The following PLCB1 variants were observed in gnomAD, a reference collection of about 807,000 sequenced individuals.
The protein encoded by PLCB1 is phospholipase C beta 1, also known as 1-phosphatidylinositol 4,5-bisphosphate phosphodiesterase beta-1.
PLCB1 carries 46 observed loss-of-function variants against 161.8 expected under a neutral mutation model. The observed-to-expected ratio is 0.28, with a 90% confidence interval of 0.22 to 0.36. The LOEUF (loss-of-function observed/expected upper bound fraction) is 0.36. Among genes scored for constraint, PLCB1 ranks in the 10% least tolerant of loss-of-function variants. The pLI is 1.00. For missense variants in PLCB1, 1,016 were observed against 1,472.5 expected, an observed-to-expected ratio of 0.69 and a Z score of 5.07; for synonymous variants, 517 against 503.7, an observed-to-expected ratio of 1.03 and a Z score of -0.35.
At chr20:8,608,458 C>T (rs945329373) in intron 3 of PLCB1, among the ~76,000 whole-genome samples, 5 of 152,130 alleles carry the variant, frequency 3.3e-5, no homozygotes, top group Non-Finnish European at 7.4e-5. Flanking sequence ...AGGGTATACC[C>T]ACAGGGCAAA....
chr20:8,841,673 A>G lies in PLCB1; in HGVS notation c.3424-39949A>G, dbSNP rs143951238. ...TCCACTCTTACACGTGTGCTAATTG[A>G]TCTTAAAATTAAAGTCCAGGATGCC... On this transcript the variant is annotated intron_variant, in intron 31 of 31. Transcript: ENST00000338037. Among the ~76,000 whole-genome samples the G allele has an allele frequency of 3.6e-3, 549 of 152,342 alleles. 4 individuals carry two copies. Among genetic ancestry groups the G allele is most frequent in the African/African-American group, 0.013 (523 of 41,578 alleles).
At chr20:8,623,069 C>T (rs1568532876) in intron 3 of PLCB1, among the ~76,000 whole-genome samples, 1 of 151,994 alleles carries the variant, frequency 6.6e-6, no homozygotes, top group African/African-American at 2.4e-5. Context: ...TCCAGCAGCC[C>T]CTTATCTTTC....
intron 2 of PLCB1, among the ~76,000 whole-genome samples, chr20:8,273,026 A>G (rs904828251): frequency 2.0e-5 from 3 of 152,216 alleles, no homozygotes; most frequent in African/African-American, 7.2e-5. Context: ...ATAAAAGTAA[A>G]GCAATGACAA....
At chr20:8,501,023 A>G (rs993902764) in intron 3 of PLCB1, among the ~76,000 whole-genome samples, 2 of 152,096 alleles carry the variant, frequency 1.3e-5, no homozygotes, top group Admixed American at 6.5e-5. Flanking sequence ...AGATACCCCA[A>G]CAGTTCATAT....
At chr20:8,452,037 G>A (rs779958507) in intron 3 of PLCB1, among the ~76,000 whole-genome samples, 1 of 152,104 alleles carries the variant, frequency 6.6e-6, no homozygotes, top group Non-Finnish European at 1.5e-5. Flanking sequence ...AATGAAAATA[G>A]CTGAGAGATT....
intron 31 of PLCB1, among the ~76,000 whole-genome samples, chr20:8,848,891 T>C (rs1986789828): frequency 6.6e-6 from 1 of 152,270 alleles, no homozygotes; most frequent in Non-Finnish European, 1.5e-5. Flanking sequence ...CTTTTCTCTC[T>C]GCTGCCTAAC....
rs1265302569 is a variant in PLCB1 at position 8,648,100 on chromosome 20, T to C, written c.518+147T>C. On this transcript the variant is annotated intron_variant, in intron 6 of 31. Coordinates refer to ENST00000338037, the MANE Select transcript of PLCB1 (RefSeq NM_015192.4). The stretch of plus-strand genomic sequence containing the variant: ...TGTCCTCCCTCACACATGTCTCATG[T>C]CAGTGCAGCTGCTTTCCTCATAGAC... The C allele has an allele frequency of 5.6e-6, 3 of 537,800 alleles. No homozygotes were observed. In the African/African-American group the frequency reaches 5.9e-5, roughly 11 times the overall value. 33.3% of individuals were successfully genotyped at this position (537,800 alleles called of 1,614,324 possible). A position where few individuals can be genotyped will look rare whatever the true frequency, so the allele number is the denominator to read the frequency against.
At chr20:8,685,214 C>G in intron 10 of PLCB1, 136 bp downstream of exon 10, 1 of 761,962 alleles carries the variant, frequency 1.3e-6, no homozygotes, top group East Asian at 2.5e-5. Context: ...TGGGGTTCCA[C>G]CACTAAAGCC....
At chr20:8,871,238 A>G (rs1987598382) in intron 31 of PLCB1, among the ~76,000 whole-genome samples, 1 of 152,188 alleles carries the variant, frequency 6.6e-6, no homozygotes, top group Admixed American at 6.5e-5. Flanking sequence ...GTTGAGATTC[A>G]TGTTTTCTAT....
chr20:8,807,459 T>C (rs912388445), intron 31 of PLCB1, among the ~76,000 whole-genome samples: 1 of 152,230 alleles, frequency 6.6e-6, no homozygotes, highest in Non-Finnish European at 1.5e-5. Flanking sequence ...TCACATTTAG[T>C]ATTTTACTTA....
chr20:8,508,583 A>G (rs1983742729), intron 3 of PLCB1, among the ~76,000 whole-genome samples: 1 of 152,128 alleles, frequency 6.6e-6, no homozygotes, highest in African/African-American at 2.4e-5. Flanking sequence ...TAGAGATACA[A>G]CCTTTGACCA....
In PLCB1 at chr20:8,318,349, A is replaced by T. The variant is rs1403017308; in HGVS notation, c.178-53033A>T. On this transcript the variant is annotated intron_variant, in intron 2 of 31. Coordinates refer to ENST00000338037, the MANE Select transcript of PLCB1 (RefSeq NM_015192.4). The stretch of plus-strand genomic sequence containing the variant: ...GGGGGAGGAATGAAACTTTCAAATA[A>T]TGTAATGCACCTGAATTAAGACCAT... Among the ~76,000 whole-genome samples, 8 of 152,168 alleles carry T rather than the reference A, an allele frequency of 5.3e-5. No homozygotes were observed. The East Asian group carries it at 1.5e-3, about 29-fold the overall frequency.
intron 31 of PLCB1, among the ~76,000 whole-genome samples, chr20:8,794,222 C>G (rs1983908008): frequency 6.6e-6 from 1 of 152,032 alleles, no homozygotes; most frequent in Non-Finnish European, 1.5e-5. Flanking sequence ...CCTCGGCTGA[C>G]AGGATTAAGA....
chr20:8,560,897 G>T (rs983541835), intron 3 of PLCB1, among the ~76,000 whole-genome samples: 2 of 151,990 alleles, frequency 1.3e-5, no homozygotes, highest in Non-Finnish European at 2.9e-5. Context: ...GGGTGGCATT[G>T]TCGGATTTTC....
chr20:8,518,074 C>A (rs1016340458), intron 3 of PLCB1, among the ~76,000 whole-genome samples: 3 of 151,914 alleles, frequency 2.0e-5, no homozygotes, highest in African/African-American at 7.3e-5. Context: ...CCCAGCTACT[C>A]AGGAGGCTGA....
intron 2 of PLCB1, among the ~76,000 whole-genome samples, chr20:8,268,515 A>G (rs1001845956): frequency 2.0e-5 from 3 of 152,164 alleles, no homozygotes; most frequent in South Asian, 2.1e-4. Flanking sequence ...TGGTATTTCT[A>G]GTTCTAGATC....
chr20:8,501,753 T>C (rs1983416589), intron 3 of PLCB1, among the ~76,000 whole-genome samples: 1 of 152,012 alleles, frequency 6.6e-6, no homozygotes. Flanking sequence ...ATTGTTAGTG[T>C]GCAGTCTTAA....
rs184013503 is a variant in PLCB1 at position 8,704,689 on chromosome 20, T to C, written c.1168-3981T>C. On this transcript the variant is annotated intron_variant, in intron 11 of 31. Transcript: ENST00000338037. ...GCCACATCCAATTGTTTACATATTA[T>C]CTGTGGCTGCTTTGGGGCTATGCAT... Among the ~76,000 whole-genome samples, 422 of 152,338 alleles carry C rather than the reference T, an allele frequency of 2.8e-3. 5 individuals are homozygous for C. Among genetic ancestry groups the C allele is most frequent in the Admixed American group, 0.023 (359 of 15,300 alleles).
chr20:8,644,265 G>T (rs1989067515), intron 4 of PLCB1, among the ~76,000 whole-genome samples: 2 of 151,286 alleles, frequency 1.3e-5, no homozygotes, highest in African/African-American at 4.9e-5. Context: ...CATCGTCTGG[G>T]ACATGAGGAG....
Sources: allele counts gnomAD v4.1 joint callset (sites outside exome capture counted in the v4.1 genomes callset), GRCh38; gene constraint gnomAD v4.1.1; transcripts MANE v1.5; gene names NCBI Gene and HGNC (gene_info 2026-07-23, HGNC 2026-07-21).